Variants in DIPK1A observed in about 807,000 individuals in gnomAD.
DIPK1A encodes the protein divergent protein kinase domain 1A.
A neutral mutation model predicts 40.8 loss-of-function variants in DIPK1A; 27 were observed. That is an observed-to-expected ratio of 0.66 (90% confidence interval 0.49 to 0.91). The LOEUF is 0.91. Among genes scored for constraint, DIPK1A ranks in the 40% least tolerant of loss-of-function variants. The pLI, the probability that DIPK1A is intolerant of heterozygous loss-of-function variation, is 0.00. For synonymous variants in DIPK1A, 166 were observed against 171.3 expected (o/e 0.97, Z 0.24); for missense variants, 412 against 505.7 (o/e 0.81, Z 1.78).
At chr1:92,925,280 T>A (rs1032230053) in intron 1 of DIPK1A, among the ~76,000 whole-genome samples, 3 of 152,228 alleles carry the variant, frequency 2.0e-5, no homozygotes, top group Non-Finnish European at 1.5e-5. Context: ...GATTTTAGTA[T>A]CTGAATTATA....
At chr1:92,933,714 T>TCC (rs1650845793) in intron 1 of DIPK1A, 1 of 152,274 alleles carries the variant, frequency 6.6e-6, no homozygotes, top group Non-Finnish European at 1.5e-5. Context: ...GATTTATCTT[T>TCC]ATCTTTGCAC....
At chr1:92,889,606 T>C (rs550417403) in intron 1 of DIPK1A, among the ~76,000 whole-genome samples, 1 of 152,224 alleles carries the variant, frequency 6.6e-6, no homozygotes, top group East Asian at 1.9e-4. Flanking sequence ...AAGTTAACAA[T>C]ATTCATTCTT....
chr1:92,840,603 A>G, downstream of DIPK1A: 13 of 1,612,316 alleles, frequency 8.1e-6, no homozygotes, highest in South Asian at 1.1e-5. Flanking sequence ...AATCCAGTCT[A>G]TGAAAAGAAG....
intron 2 of DIPK1A, among the ~76,000 whole-genome samples, chr1:92,853,064 C>T (rs773150457): frequency 1.3e-5 from 2 of 151,588 alleles, no homozygotes; most frequent in Non-Finnish European, 2.9e-5. Flanking sequence ...ACAATAACAA[C>T]AACAAAAAAC....
intron 2 of DIPK1A, among the ~76,000 whole-genome samples, chr1:92,854,308 A>C (rs953273385): frequency 1.3e-5 from 2 of 152,256 alleles, no homozygotes; most frequent in Non-Finnish European, 2.9e-5. Flanking sequence ...TATCCATTAA[A>C]AGATAAGAAA....
Position 92,847,335 on chromosome 1 carries a change from G to C in DIPK1A, c.322C>G (p.Leu108Val). 1.2e-6 allele frequency: 2 copies of C among 1,608,246 alleles called. No homozygotes were observed. The highest frequency in any genetic ancestry group is 1.7e-6 in the Non-Finnish European group (2 of 1,177,222). ...ATTTGACATTTCACAACACCTGGTA[G>C]ATTATCCCAAATCCCTAAATACATC... is the stretch of plus-strand genomic sequence containing the variant. ...NQMYLGIWDNLPGVVKCQMEQ... is the reference protein window; with the variant it reads ...NQMYLGIWDNVPGVVKCQMEQ... Residue 108 changes from leucine (L) to valine (V), a missense_variant, in exon 4 of 5, where the codon CTA (leucine) becomes GTA (valine). Coordinates refer to ENST00000370310, the MANE Select transcript of DIPK1A (RefSeq NM_001006605.5).
At chr1:92,876,788 A>C (rs1648150795) in intron 1 of DIPK1A, among the ~76,000 whole-genome samples, 1 of 152,224 alleles carries the variant, frequency 6.6e-6, no homozygotes. Context: ...AGAAGCTTAC[A>C]AAAGACTCTT....
chr1:92,867,025 A>G (rs1270728042), intron 2 of DIPK1A, among the ~76,000 whole-genome samples: 1 of 152,050 alleles, frequency 6.6e-6, no homozygotes, highest in Non-Finnish European at 1.5e-5. Flanking sequence ...AACAATAATA[A>G]CTTACTGTAC....
chr1:92,844,156 T>A lies in DIPK1A; in HGVS notation c.514A>T (p.Asn172Tyr). 2 of 1,551,712 alleles carry A rather than the reference T, an allele frequency of 1.3e-6. No homozygotes were observed. The highest frequency in any genetic ancestry group is 1.7e-6 in the Non-Finnish European group (2 of 1,146,988). ...GDQGNLSELV[N>Y]LILTVADGDK... ...CCATCAGCCACCGTCAAGATGAGAT[T>A]AACCAGTTCAGAGAGGTTTCCTTGG... Residue 172 changes from asparagine to tyrosine, a missense_variant, in exon 5 of 5, where the codon AAT (asparagine) becomes TAT (tyrosine). Asn to Tyr is a moderately radical substitution (Grantham distance 143). Coordinates refer to ENST00000370310, the MANE Select transcript of DIPK1A (RefSeq NM_001006605.5).
downstream of DIPK1A, among the ~76,000 whole-genome samples, chr1:92,838,359 T>C (rs902474413): frequency 1.3e-5 from 2 of 152,238 alleles, no homozygotes; most frequent in South Asian, 2.1e-4. Flanking sequence ...TTGTTACTTA[T>C]GACTTCATCC....
intron 1 of DIPK1A, among the ~76,000 whole-genome samples, chr1:92,904,539 A>G (rs1649532227): frequency 1.3e-5 from 2 of 152,170 alleles, no homozygotes; most frequent in South Asian, 4.1e-4. Flanking sequence ...TTGTCGGTAC[A>G]TTATAGGTGT....
chr1:92,899,966 T>C (rs1197730033), intron 1 of DIPK1A, among the ~76,000 whole-genome samples: 1 of 152,152 alleles, frequency 6.6e-6, no homozygotes, highest in Non-Finnish European at 1.5e-5. Context: ...TCCTGGCCTG[T>C]AAGGTTTCTG....
intron 1 of DIPK1A, among the ~76,000 whole-genome samples, chr1:92,892,637 C>G (rs935898359): frequency 6.6e-6 from 1 of 152,026 alleles, no homozygotes. Context: ...AGCAATGGAA[C>G]AAAGCTGGAT....
intron 1 of DIPK1A, among the ~76,000 whole-genome samples, chr1:92,914,476 G>A (rs2100841519): frequency 6.6e-6 from 1 of 152,110 alleles, no homozygotes. Flanking sequence ...TCACACATAA[G>A]AAGTGGGCAC....
intron 1 of DIPK1A, among the ~76,000 whole-genome samples, chr1:92,889,579 C>T (rs1648763781): frequency 6.6e-6 from 1 of 151,142 alleles, no homozygotes; most frequent in Admixed American, 6.6e-5. Context: ...CTGTAGATTG[C>T]TTTTGGTAGT....
rs573816299 is a variant in DIPK1A, at chr1:92,930,138, C to T, written c.54+31238G>A. ...AAGGCCTACAACCCCACTTACAGGT[C>T]CTTGTTGCTTTTGTAAGCCAGGGGA... On this transcript the variant is annotated intron_variant, in intron 1 of 4. Coordinates refer to ENST00000370310, the MANE Select transcript of DIPK1A (RefSeq NM_001006605.5). Among the ~76,000 whole-genome samples the T allele has an allele frequency of 1.3e-4, 20 of 152,122 alleles. No homozygotes were observed. The South Asian group carries it at 4.1e-3, about 32-fold the overall frequency.
chr1:92,918,161 T>A (rs1229007353), intron 1 of DIPK1A, among the ~76,000 whole-genome samples: 1 of 152,122 alleles, frequency 6.6e-6, no homozygotes, highest in Non-Finnish European at 1.5e-5. Context: ...CATTTCTTTT[T>A]TTTTCTGAGA....
At chr1:92,833,702 G>T in intron 4 of DIPK1A, 1 of 1,514,582 alleles carries the variant, frequency 6.6e-7, no homozygotes, top group South Asian at 1.1e-5. Flanking sequence ...TATTGCTAGA[G>T]AAATTGTGCT....
intron 1 of DIPK1A, among the ~76,000 whole-genome samples, chr1:92,911,247 G>A (rs1649813511): frequency 6.6e-6 from 1 of 152,112 alleles, no homozygotes; most frequent in East Asian, 1.9e-4. Context: ...CTCATTAATT[G>A]GATTAATGCT....
Sources: gnomAD v4.1 joint callset for allele counts (sites outside exome capture counted in the v4.1 genomes callset) on GRCh38, gnomAD v4.1.1 for gene constraint, MANE v1.5 for transcripts, NCBI Gene and HGNC (gene_info 2026-07-23, HGNC 2026-07-21) for gene names.